Variants in MRC1 observed in about 807,000 individuals in gnomAD.
The protein encoded by MRC1 is macrophage mannose receptor 1.
MRC1 carries 62 observed loss-of-function variants against 102.9 expected under a neutral mutation model. The observed-to-expected ratio is 0.60, with a 90% CI of 0.49 to 0.74. The LOEUF (loss-of-function observed/expected upper bound fraction) is 0.74. Among genes scored for constraint, MRC1 ranks in the 30% least tolerant of loss-of-function variants. MRC1 has a pLI of 0.00. For synonymous variants in MRC1, 457 were observed against 298.4 expected (o/e 1.53, Z -5.48); for missense variants, 1,237 against 862.8 (o/e 1.43, Z -5.43).
chr10:17,823,213 G>C lies in MRC1; in HGVS notation c.201G>C (p.Met67Ile). 1.3e-6 allele frequency: 1 copy of C among 780,842 alleles called. No individual in the cohort carries two copies. The highest frequency in any genetic ancestry group is 2.4e-6 in the Non-Finnish European group (1 of 417,960). The allele number at this position is 780,842 out of a possible 1,614,324, so 48.4% of individuals were successfully genotyped here. A position where few individuals can be genotyped will look rare whatever the true frequency, so the allele number is the denominator to read the frequency against. ...GATGGGTGTCCGAATCTCAGATTATGAGTGTTGCATTTAAATTATGCCTGG... is the reference window on the plus strand; with the variant it reads ...GATGGGTGTCCGAATCTCAGATTATCAGTGTTGCATTTAAATTATGCCTGG... ...KFRWVSESQI[M>I]SVAFKLCLGV... is the part of the protein sequence containing the mutation. Residue 67 changes from methionine (M) to isoleucine (I), a missense_variant, in exon 2 of 30, where the codon ATG becomes ATC. Met to Ile is a conservative substitution (Grantham distance 10, BLOSUM62 1). Transcript: ENST00000569591.
chr10:17,910,194 A>G (rs1833949903), intron 29 of MRC1, 21 bp from the exon 30 acceptor site: 4 of 780,418 alleles, frequency 5.1e-6, no homozygotes, highest in Non-Finnish European at 9.6e-6. Context: ...CGTTTTCCAT[A>G]ATGATTTTAT....
chr10:17,836,558 G>A (rs1362035396), intron 4 of MRC1, among the ~76,000 whole-genome samples: 1 of 152,172 alleles, frequency 6.6e-6, no homozygotes, highest in African/African-American at 2.4e-5. Context: ...AGGTGGTCTG[G>A]GCACAGTGGC....
At chr10:17,833,614 C>G in intron 3 of MRC1, 61 bp from the exon 4 acceptor site, 1 of 776,388 alleles carries the variant, frequency 1.3e-6, no homozygotes, top group Admixed American at 1.7e-5. Context: ...TTAAATAATA[C>G]TATTCACTGG....
In MRC1 at chr10:17,875,162, C is replaced by A. The variant is rs931240741; in HGVS notation, c.2459C>A (p.Thr820Asn). 117 of 780,676 alleles carry A rather than the reference C, an allele frequency of 1.5e-4. No homozygotes were observed. The Admixed American group carries it at 1.9e-3, about 13-fold the overall frequency. The allele number at this position is 780,676 out of a possible 1,614,324, so 48.4% of individuals were successfully genotyped here. ...YQYYFSKEKE[T>N]MDNARAFCKR... ...TATTATTTCAGCAAAGAGAAGGAAA[C>A]CATGGACAATGCGCGAGCGTTTTGC... The change falls in exon 17 of 30, where the codon ACC becomes AAC. Residue 820 changes from threonine (T) to asparagine (N), a missense_variant. Coordinates refer to ENST00000569591, the MANE Select transcript of MRC1 (RefSeq NM_002438.4).
intron 5 of MRC1, 121 bp downstream of exon 5, chr10:17,840,927 A>G (rs892948097): frequency 2.7e-6 from 2 of 753,390 alleles, no homozygotes; most frequent in East Asian, 2.5e-5. Flanking sequence ...CATCAAATAC[A>G]GTTCATTTCA....
rs943293389 is a variant in MRC1, at chr10:17,891,353, A to G, written c.3148-2857A>G. The stretch of plus-strand genomic sequence containing the variant: ...GGCTAATTTTTTATATTTTTACTAG[A>G]GACGGGGTTTCACTGTGTTAGGCAG... On this transcript the variant is annotated intron_variant, in intron 22 of 29. Transcript: ENST00000569591. 2.7e-3 allele frequency among the ~76,000 whole-genome samples: 417 copies of G among 151,888 alleles called. 2 individuals carry two copies. In the South Asian group the frequency reaches 0.029, roughly 11 times the overall value.
chr10:17,818,485 A>G (rs1428751351), intron 1 of MRC1, among the ~76,000 whole-genome samples: 1 of 152,188 alleles, frequency 6.6e-6, no homozygotes, highest in Non-Finnish European at 1.5e-5. Flanking sequence ...ATAAAAGAAT[A>G]AAATGAGTTA....
intron 1 of MRC1, among the ~76,000 whole-genome samples, chr10:17,820,206 G>A (rs1386740438): frequency 6.6e-6 from 1 of 152,148 alleles, no homozygotes; most frequent in Non-Finnish European, 1.5e-5. Flanking sequence ...CCAAGACCCA[G>A]CCACGTTGAC....
At chr10:17,865,497 A>G (rs1279241103) in intron 11 of MRC1, 5 of 152,248 alleles carry the variant, frequency 3.3e-5, no homozygotes, top group African/African-American at 1.2e-4. Context: ...GTCCTTAGGG[A>G]CTAACAATGG....
intron 3 of MRC1, among the ~76,000 whole-genome samples, chr10:17,832,690 C>A (rs781957427): frequency 0.09 from 13,589 of 150,810 alleles, 654 homozygotes; most frequent in Middle Eastern, 0.15. Flanking sequence ...CGGGTTCACG[C>A]CATTCTCCTG....
chr10:17,891,417 C>T (rs1347260470), intron 22 of MRC1, among the ~76,000 whole-genome samples: 1 of 152,082 alleles, frequency 6.6e-6, no homozygotes, highest in Non-Finnish European at 1.5e-5. Flanking sequence ...CTGCCCGCCT[C>T]GGCCTCCCGA....
At position 17,910,145 on chromosome 10, in the gene MRC1, C is replaced by T. The variant is rs1031648966; in HGVS notation, c.4121-70C>T. ...TTATGCCTTTTAGTTTTTCAACAAGCGAAGTTCTGCATAGCATGCAACCCT... is the reference window on the plus strand; with the variant it reads ...TTATGCCTTTTAGTTTTTCAACAAGTGAAGTTCTGCATAGCATGCAACCCT... On this transcript the variant is annotated intron_variant, in intron 29 of 29. Transcript: ENST00000569591. The T allele has an allele frequency of 6.8e-5, 53 of 773,764 alleles. No individual in the cohort carries two copies. In the African/African-American group the frequency reaches 7.5e-4, roughly 11 times the overall value. The allele number at this position is 773,764 out of a possible 1,614,324, so 47.9% of individuals were successfully genotyped here.
intron 4 of MRC1, among the ~76,000 whole-genome samples, chr10:17,837,774 G>A (rs1838690797): frequency 6.6e-6 from 1 of 151,812 alleles, no homozygotes; most frequent in African/African-American, 2.4e-5. Flanking sequence ...CTAATTTTTT[G>A]TATTTTAGTA....
At chr10:17,838,184 C>T (rs528116605) in intron 4 of MRC1, among the ~76,000 whole-genome samples, 43 of 152,244 alleles carry the variant, frequency 2.8e-4, no homozygotes, top group Admixed American at 2.5e-3. Flanking sequence ...ACAGAACACC[C>T]GGGGATCCGC....
intron 5 of MRC1, 192 bp from the exon 6 acceptor site, chr10:17,845,097 G>A (rs782432303): frequency 5.2e-6 from 4 of 776,134 alleles, no homozygotes; most frequent in African/African-American, 1.7e-5. Flanking sequence ...ATGATCCAAC[G>A]ATAAGAAAAC....
At chr10:17,822,021 A>G (rs945289562) in intron 1 of MRC1, among the ~76,000 whole-genome samples, 54,314 of 151,974 alleles carry the variant, frequency 0.36, 9,791 homozygotes, top group Non-Finnish European at 0.38. Flanking sequence ...AAAGCTTTAC[A>G]TGAACTCAAT....
intron 9 of MRC1, among the ~76,000 whole-genome samples, chr10:17,859,604 C>A (rs1432830961): frequency 1.3e-5 from 2 of 152,148 alleles, no homozygotes; most frequent in Non-Finnish European, 2.9e-5. Flanking sequence ...AGGTGGGAGC[C>A]ACTGCGCCTG....
intron 22 of MRC1, among the ~76,000 whole-genome samples, chr10:17,893,508 A>G (rs2130708492): frequency 6.6e-6 from 1 of 152,190 alleles, no homozygotes; most frequent in South Asian, 2.1e-4. Flanking sequence ...AAGTGTAGAT[A>G]GTACATTGAA....
chr10:17,898,086 A>C lies in MRC1; in HGVS notation c.3303A>C (p.Lys1101Asn), dbSNP rs1304208738. Residue 1101 changes from lysine to asparagine, a missense_variant, in exon 24 of 30, where the codon AAA becomes AAC. Transcript: ENST00000569591. The stretch of plus-strand genomic sequence containing the variant: ...CGATTCAAACAGATGGCTTTGTTAA[A>C]TATGGCAAAAGCAGCTATTCACTCA... ...PATIQTDGFV[K>N]YGKSSYSLMR... 1.3e-5 allele frequency: 10 copies of C among 780,890 alleles called. No homozygotes were observed. The highest frequency in any genetic ancestry group is 2.7e-5 in the South Asian group (2 of 74,610). The allele number at this position is 780,890 out of a possible 1,614,324, so 48.4% of individuals were successfully genotyped here.
Sources: allele counts gnomAD v4.1 joint callset (sites outside exome capture counted in the v4.1 genomes callset), GRCh38; gene constraint gnomAD v4.1.1; transcripts MANE v1.5; gene names NCBI Gene and HGNC (gene_info 2026-07-23, HGNC 2026-07-21).